The following NAV3 variants were observed in gnomAD, a reference collection of about 807,000 sequenced individuals.
NAV3 encodes the protein pore membrane and/or filament interacting like protein 1.
A neutral mutation model predicts 244.7 loss-of-function variants in NAV3; 87 were observed. That is an observed-to-expected ratio of 0.36 (90% confidence interval 0.30 to 0.42). The LOEUF (loss-of-function observed/expected upper bound fraction) is 0.42. NAV3 is among the 20% of genes least tolerant of loss of function. The probability of loss-of-function intolerance (pLI) is 1.00; values close to 1 mark genes in which losing one functional copy is unlikely to be tolerated. For synonymous variants in NAV3, 1,126 were observed against 1,042.2 expected, an observed-to-expected ratio of 1.08 and a Z score of -1.55; for missense variants, 2,663 against 2,893.3, an observed-to-expected ratio of 0.92 and a Z score of 1.83.
chr12:77,667,615 ACT>A (rs1873775659), intron 2 of NAV3, among the ~76,000 whole-genome samples: 1 of 151,728 alleles, frequency 6.6e-6, no homozygotes. Context: ...ACCCAGGGAG[ACT>A]CTGAGCTCAG....
chr12:77,636,145 CGCCA>C (rs1171685768), intron 2 of NAV3, among the ~76,000 whole-genome samples: 1 of 152,098 alleles, frequency 6.6e-6, no homozygotes, highest in Non-Finnish European at 1.5e-5. Flanking sequence ...TACCATCTCA[CGCCA>C]GTTAGAATGG....
intron 9 of NAV3, among the ~76,000 whole-genome samples, chr12:78,030,409 CTGTT>C (rs1436064562): frequency 1.3e-5 from 2 of 152,080 alleles, no homozygotes; most frequent in African/African-American, 4.8e-5. Context: ...CCTTCCAAGA[CTGTT>C]TGAAATGTGG....
At chr12:77,657,518 T>A (rs984960095) in intron 2 of NAV3, among the ~76,000 whole-genome samples, 1 of 152,198 alleles carries the variant, frequency 6.6e-6, no homozygotes, top group Admixed American at 6.5e-5. Context: ...AGCCGAATTC[T>A]ACCAGAGGTA....
chr12:77,589,724 C>A (rs1454592376), intron 2 of NAV3, among the ~76,000 whole-genome samples: 2 of 152,240 alleles, frequency 1.3e-5, no homozygotes, highest in Non-Finnish European at 1.5e-5. Context: ...ATTATGGGAG[C>A]TACAGTTCAA....
chr12:77,617,603 C>T lies in NAV3; in HGVS notation c.72+45337C>T, dbSNP rs147489332. Reference sequence around the variant, plus strand: ...GAGAAGCAGTCTAATGATTTCAGGGCGGCCAAGCAAGGAGACAGGAGGGAT... The same window carrying T: ...GAGAAGCAGTCTAATGATTTCAGGGTGGCCAAGCAAGGAGACAGGAGGGAT... On this transcript the variant is annotated intron_variant, in intron 2 of 8. Coordinates refer to the NAV3 transcript ENST00000550042. Among the ~76,000 whole-genome samples the T allele has an allele frequency of 9.2e-5, 14 of 152,282 alleles. No homozygotes were observed. The East Asian group carries it at 1.4e-3, about 15-fold the overall frequency.
intron 1 of NAV3, among the ~76,000 whole-genome samples, chr12:77,936,023 C>T (rs1889291826): frequency 6.6e-6 from 1 of 152,132 alleles, no homozygotes; most frequent in African/African-American, 2.4e-5. Context: ...CAGAGCTAAA[C>T]CGTATCAGTA....
intron 1 of NAV3, among the ~76,000 whole-genome samples, chr12:77,882,132 G>A (rs1043295260): frequency 1.3e-5 from 2 of 152,050 alleles, no homozygotes; most frequent in Non-Finnish European, 2.9e-5. Flanking sequence ...GATCTCACAC[G>A]AAAAGAACAA....
chr12:78,192,884 T>G (rs1959045772), intron 34 of NAV3, among the ~76,000 whole-genome samples: 1 of 152,116 alleles, frequency 6.6e-6, no homozygotes, highest in African/African-American at 2.4e-5. Context: ...TTTGCCAAAT[T>G]GACAGAGAAT....
chr12:77,810,177 T>A lies in NAV3; in HGVS notation c.73-130142T>A, dbSNP rs565377112. Among the ~76,000 whole-genome samples, 14 of 151,756 alleles carry A rather than the reference T, an allele frequency of 9.2e-5. 1 individual carries two copies. The South Asian group carries it at 2.7e-3, about 29-fold the overall frequency. ...CATTATATGTTTGTTTGTTTGTGTG[T>A]TTGTTTGTTTTTGAGACGGAGTCTC... On this transcript the variant is annotated intron_variant, in intron 2 of 8. Transcript: ENST00000550042.
At chr12:77,802,555 G>A (rs573926633) in intron 2 of NAV3, among the ~76,000 whole-genome samples, 64 of 152,202 alleles carry the variant, frequency 4.2e-4, no homozygotes, top group Non-Finnish European at 7.2e-4. Flanking sequence ...AGAGAGATTC[G>A]AGTAATTATT....
intron 2 of NAV3, among the ~76,000 whole-genome samples, chr12:77,673,478 A>G (rs1735840114): frequency 6.6e-6 from 1 of 152,138 alleles, no homozygotes; most frequent in Admixed American, 6.6e-5. Context: ...TCACATTTTC[A>G]ACTTCCTACA....
chr12:78,141,222 A>G (rs922947868), intron 20 of NAV3, among the ~76,000 whole-genome samples: 2 of 152,156 alleles, frequency 1.3e-5, no homozygotes, highest in Non-Finnish European at 2.9e-5. Context: ...GAAAAATACC[A>G]GTGTTTCAAG....
intron 1 of NAV3, among the ~76,000 whole-genome samples, chr12:77,936,613 G>A (rs1889353200): frequency 6.6e-6 from 1 of 152,070 alleles, no homozygotes; most frequent in Admixed American, 6.6e-5. Context: ...ATACATTACT[G>A]CACATTTTGT....
chr12:77,868,123 GGAA>G (rs1453113591), intron 1 of NAV3, among the ~76,000 whole-genome samples: 1 of 152,122 alleles, frequency 6.6e-6, no homozygotes, highest in Non-Finnish European at 1.5e-5. Flanking sequence ...ATTAAAATTA[GGAA>G]GAAGTTGAGA....
intron 1 of NAV3, among the ~76,000 whole-genome samples, chr12:77,860,231 G>T (rs1879062963): frequency 6.6e-6 from 1 of 151,386 alleles, no homozygotes; most frequent in Admixed American, 6.6e-5. Flanking sequence ...TTGTCTCCAG[G>T]AAAGAAAGGA....
chr12:78,059,442 C>T (rs1274412133), intron 12 of NAV3, among the ~76,000 whole-genome samples: 1 of 152,038 alleles, frequency 6.6e-6, no homozygotes, highest in African/African-American at 2.4e-5. Context: ...GCACGCACCA[C>T]CATGCCCAGC....
chr12:77,630,723 A>C (rs1328264045), intron 2 of NAV3, among the ~76,000 whole-genome samples: 2 of 152,302 alleles, frequency 1.3e-5, no homozygotes, highest in East Asian at 3.9e-4. Flanking sequence ...TATGTCTTCC[A>C]TCCTTGCTAA....
chr12:77,715,844 T>C (rs1400627253), intron 2 of NAV3, among the ~76,000 whole-genome samples: 2 of 152,062 alleles, frequency 1.3e-5, no homozygotes, highest in Non-Finnish European at 2.9e-5. Context: ...CTTTCAATCA[T>C]TGATGCAGAA....
chr12:78,028,363 A>G (rs1372944939), intron 9 of NAV3, among the ~76,000 whole-genome samples: 1 of 152,192 alleles, frequency 6.6e-6, no homozygotes, highest in Non-Finnish European at 1.5e-5. Flanking sequence ...ATTTTTAAAG[A>G]TTTGTGGTGA....
Sources: allele counts gnomAD v4.1 joint callset (sites outside exome capture counted in the v4.1 genomes callset), GRCh38; gene constraint gnomAD v4.1.1; transcripts MANE v1.5; gene names NCBI Gene and HGNC (gene_info 2026-07-23, HGNC 2026-07-21).